KDM4B: variants seen among roughly 807,000 people sequenced by gnomAD.
The protein encoded by KDM4B is lysine-specific demethylase 4B.
A neutral mutation model predicts 125.2 loss-of-function variants in KDM4B; 32 were observed. That is an observed-to-expected ratio of 0.26 (90% CI 0.19 to 0.34). The LOEUF is 0.34. KDM4B is among the 10% of genes least tolerant of loss of function. The pLI, the probability that KDM4B is intolerant of heterozygous loss-of-function variation, is 1.00. For missense variants in KDM4B, 1,190 were observed against 1,577.7 expected, an observed-to-expected ratio of 0.75 and a Z score of 4.16; for synonymous variants, 721 against 677.9, an observed-to-expected ratio of 1.06 and a Z score of -0.99.
intron 1 of KDM4B, among the ~76,000 whole-genome samples, chr19:5,012,814 G>C (rs1454072875): frequency 6.6e-6 from 1 of 152,228 alleles, no homozygotes; most frequent in Admixed American, 6.5e-5. Flanking sequence ...TAGCTGCAGG[G>C]GTTCATCATC....
At chr19:5,148,657 C>T (rs895160459) in intron 21 of KDM4B, among the ~76,000 whole-genome samples, 11 of 151,848 alleles carry the variant, frequency 7.2e-5, no homozygotes, top group Non-Finnish European at 1.5e-4. Flanking sequence ...CGTGGCAAAG[C>T]GGAGCCTCCA....
At chr19:5,111,584 C>A in intron 10 of KDM4B, 1 of 739,850 alleles carries the variant, frequency 1.4e-6, no homozygotes, top group Admixed American at 1.8e-5. Context: ...TGGGAAGTGT[C>A]CAGGCTTCCA....
intron 11 of KDM4B, among the ~76,000 whole-genome samples, chr19:5,124,942 C>T (rs1218981630): frequency 2.0e-5 from 3 of 151,760 alleles, no homozygotes; most frequent in African/African-American, 7.3e-5. Context: ...CTGTGTCCCC[C>T]AGGTTGGAGG....
chr19:5,110,569 G>A, intron 9 of KDM4B, 53 bp from the exon 10 acceptor site: 2 of 1,590,848 alleles, frequency 1.3e-6, no homozygotes, highest in Non-Finnish European at 1.7e-6. Context: ...GGGGTGTGTG[G>A]AGCCAGCCGT....
chr19:5,117,031 C>T (rs926966661), intron 10 of KDM4B, among the ~76,000 whole-genome samples: 2 of 152,162 alleles, frequency 1.3e-5, no homozygotes, highest in Non-Finnish European at 1.5e-5. Context: ...GCCCCTCTGC[C>T]GTGGGCTGTG....
At position 5,077,431 on chromosome 19, in the gene KDM4B, G is replaced by C. The variant is rs756604474; in HGVS notation, c.741G>C (p.Ser247=). Residue 247 remains serine, a synonymous_variant, in exon 8 of 23, where the codon TCG becomes TCC. Coordinates refer to ENST00000159111, the MANE Select transcript of KDM4B (RefSeq NM_015015.3). ...AFLRHKMTLI[S]PIILKKYGIP... ...TGCGGCATAAGATGACCCTCATCTC[G>C]CCCATCATCCTGAAGAAGTACGGGA... 1.2e-6 allele frequency: 2 copies of C among 1,613,296 alleles called. No individual in the cohort carries two copies. Among genetic ancestry groups the C allele is most frequent in the Non-Finnish European group, 1.7e-6 (2 of 1,179,998 alleles).
At position 5,136,814 on chromosome 19, in the gene KDM4B, T is replaced by C. The variant is rs557382598; in HGVS notation, c.2309-448T>C. ...CACCCCTGCCCTCGCTCTGGGGGCA[T>C]GATTCGGCCTTTTGTGCCCTTTCCC... On this transcript the variant is annotated intron_variant, in intron 15 of 22. Coordinates refer to ENST00000159111, the MANE Select transcript of KDM4B (RefSeq NM_015015.3). 8.5e-5 allele frequency among the ~76,000 whole-genome samples: 13 copies of C among 152,318 alleles called. No individual in the cohort carries two copies. The South Asian group carries it at 2.5e-3, about 29-fold the overall frequency.
intron 1 of KDM4B, among the ~76,000 whole-genome samples, chr19:5,006,848 G>C (rs919859337): frequency 2.6e-5 from 4 of 152,154 alleles, no homozygotes; most frequent in Non-Finnish European, 5.9e-5. Context: ...AGCACCTCTG[G>C]GACTTGGGAC....
chr19:5,037,387 C>CCACT (rs1439584718), intron 3 of KDM4B, among the ~76,000 whole-genome samples: 6 of 152,178 alleles, frequency 3.9e-5, no homozygotes, highest in Admixed American at 1.3e-4. Flanking sequence ...TCTCGCCTTT[C>CCACT]CACTCCTCAA....
chr19:5,101,013 G>A (rs1025173766), intron 9 of KDM4B, among the ~76,000 whole-genome samples: 54 of 152,100 alleles, frequency 3.6e-4, no homozygotes, highest in African/African-American at 1.1e-3. Context: ...CTGAGGTCAG[G>A]AGTTCAAGAC....
intron 1 of KDM4B, among the ~76,000 whole-genome samples, chr19:4,996,748 C>T (rs2035213346): frequency 6.6e-6 from 1 of 152,128 alleles, no homozygotes; most frequent in Non-Finnish European, 1.5e-5. Flanking sequence ...TTTGAGTTGC[C>T]AGTTCATAGC....
chr19:5,122,279 C>T (rs1366169820), intron 11 of KDM4B, among the ~76,000 whole-genome samples: 2 of 152,222 alleles, frequency 1.3e-5, no homozygotes, highest in East Asian at 3.8e-4. Flanking sequence ...CTCTCTCTGA[C>T]TCTTACCCTC....
intron 1 of KDM4B, among the ~76,000 whole-genome samples, chr19:4,980,641 T>C (rs1047906898): frequency 1.3e-5 from 2 of 152,040 alleles, no homozygotes; most frequent in African/African-American, 4.8e-5. Context: ...ATGGCCAGGC[T>C]GGTCTCGAAC....
chr19:5,058,478 G>T (rs1014596519), intron 6 of KDM4B, among the ~76,000 whole-genome samples: 1 of 152,192 alleles, frequency 6.6e-6, no homozygotes, highest in African/African-American at 2.4e-5. Context: ...CGGGAAGGGG[G>T]CATAGAAGCT....
intron 11 of KDM4B, among the ~76,000 whole-genome samples, chr19:5,122,135 G>A (rs1205468696): frequency 6.6e-6 from 1 of 152,168 alleles, no homozygotes; most frequent in African/African-American, 2.4e-5. Context: ...CAAGCTGTGG[G>A]CAGGGCTGCT....
intron 21 of KDM4B, among the ~76,000 whole-genome samples, chr19:5,150,044 C>T (rs897764839): frequency 7.2e-5 from 11 of 152,200 alleles, no homozygotes; most frequent in Admixed American, 2.0e-4. Context: ...TTCATGGAGA[C>T]AGATGTCTTT....
rs1433829074 is a variant in KDM4B at position 5,032,905 on chromosome 19, C to T, written c.15C>T (p.Asp5=). 2 of 1,614,028 alleles carry T rather than the reference C, an allele frequency of 1.2e-6. No individual in the cohort carries two copies. The highest frequency in any genetic ancestry group is 1.7e-6 in the Non-Finnish European group (2 of 1,180,030). The part of the protein sequence containing the change: MGSE[D]HGAQNPSCKI... Reference sequence around the variant, plus strand: ...CAGCTGCAGCCATGGGGTCTGAGGACCACGGCGCCCAGAACCCCAGCTGTA... The same window carrying T: ...CAGCTGCAGCCATGGGGTCTGAGGATCACGGCGCCCAGAACCCCAGCTGTA... Residue 5 remains aspartate, a synonymous_variant, in exon 3 of 23, where the codon GAC becomes GAT. Coordinates refer to ENST00000159111, the MANE Select transcript of KDM4B (RefSeq NM_015015.3).
intron 1 of KDM4B, among the ~76,000 whole-genome samples, chr19:5,004,471 C>G (rs968714969): frequency 6.6e-6 from 1 of 152,166 alleles, no homozygotes; most frequent in African/African-American, 2.4e-5. Context: ...AGAGACGGAT[C>G]GTCAGGCCCA....
At chr19:5,077,525 C>G (rs1340148838) in intron 8 of KDM4B, 55 bp downstream of exon 8, 12 of 1,459,272 alleles carry the variant, frequency 8.2e-6, no homozygotes, top group Non-Finnish European at 9.6e-6. Flanking sequence ...CGGGTCCAAG[C>G]CCAGGTGGCC....
Sources: allele counts gnomAD v4.1 joint callset (sites outside exome capture counted in the v4.1 genomes callset), GRCh38; gene constraint gnomAD v4.1.1; transcripts MANE v1.5; gene names NCBI Gene and HGNC (gene_info 2026-07-23, HGNC 2026-07-21).